The following ZDHHC17 variants were observed in gnomAD, a reference collection of about 807,000 sequenced individuals.
ZDHHC17 encodes the protein palmitoyltransferase ZDHHC17.
In ZDHHC17, 40 loss-of-function variants were observed where a neutral mutation model predicts 90.3. The ratio of observed to expected loss-of-function variants is 0.44; its 90% CI spans 0.34 to 0.58. The LOEUF (loss-of-function observed/expected upper bound fraction) is 0.58, where lower values mean the gene tolerates loss of function less well. Ranked by LOEUF, ZDHHC17 falls within the 20% of genes least tolerant of loss-of-function variation. The pLI, the probability that ZDHHC17 is intolerant of heterozygous loss-of-function variation, is 0.01. For missense variants in ZDHHC17, 614 were observed against 780.8 expected (o/e 0.79, Z 2.55); for synonymous variants, 235 against 252.4 (o/e 0.93, Z 0.65).
At chr12:76,817,412 T>C (rs1320515257) in intron 7 of ZDHHC17, among the ~76,000 whole-genome samples, 1 of 152,118 alleles carries the variant, frequency 6.6e-6, no homozygotes, top group African/African-American at 2.4e-5. Flanking sequence ...CATTTAAAGA[T>C]ACTTAGTATT....
At chr12:76,836,146 CT>C (rs1018234333) in intron 10 of ZDHHC17, among the ~76,000 whole-genome samples, 1 of 151,440 alleles carries the variant, frequency 6.6e-6, no homozygotes, top group Non-Finnish European at 1.5e-5. Context: ...TTTGTATTGT[CT>C]TTGTTATGTT....
intron 11 of ZDHHC17, 87 bp downstream of exon 11, chr12:76,842,193 A>G (rs956769102): frequency 2.2e-5 from 29 of 1,300,852 alleles, no homozygotes; most frequent in Admixed American, 3.3e-5. Flanking sequence ...GGAATTAACT[A>G]TCGTTTAGAA....
chr12:76,803,150 G>A (rs1383349694), intron 2 of ZDHHC17, among the ~76,000 whole-genome samples: 4 of 152,118 alleles, frequency 2.6e-5, no homozygotes, highest in Non-Finnish European at 5.9e-5. Context: ...CTACTAGGGA[G>A]GCTGAGGTGG....
intron 2 of ZDHHC17, among the ~76,000 whole-genome samples, chr12:76,799,832 C>T (rs1490678055): frequency 1.3e-5 from 2 of 152,068 alleles, no homozygotes; most frequent in Admixed American, 6.6e-5. Context: ...ATTCAAAATG[C>T]CTGGGACCAG....
At chr12:76,821,609 TGAA>T (rs1344894221) in intron 7 of ZDHHC17, among the ~76,000 whole-genome samples, 3 of 152,138 alleles carry the variant, frequency 2.0e-5, no homozygotes, top group African/African-American at 7.2e-5. Flanking sequence ...CTTTTCTATT[TGAA>T]GAAGTAGATA....
At chr12:76,817,153 G>T (rs186161636) in intron 7 of ZDHHC17, among the ~76,000 whole-genome samples, 1 of 152,160 alleles carries the variant, frequency 6.6e-6, no homozygotes, top group East Asian at 1.9e-4. Flanking sequence ...ATTATAGAGA[G>T]AAATGTTTGC....
chr12:76,837,106 A>G (rs1953374760), intron 10 of ZDHHC17, among the ~76,000 whole-genome samples: 2 of 152,080 alleles, frequency 1.3e-5, no homozygotes, highest in African/African-American at 4.8e-5. Flanking sequence ...TTTTCTTACT[A>G]ACAGCTCAGC....
At chr12:76,827,628 C>A (rs1953245137) in intron 9 of ZDHHC17, among the ~76,000 whole-genome samples, 1 of 152,022 alleles carries the variant, frequency 6.6e-6, no homozygotes, top group South Asian at 2.1e-4. Context: ...TCCAGAATTT[C>A]CCATCTAATT....
At position 76,822,856 on chromosome 12, in the gene ZDHHC17, C is replaced by T. The variant is rs191196384; in HGVS notation, c.897+325C>T. ...CTGGGAATACAGGCATGAGCCACCG[C>T]GCCCAGCTGAAGATTTTCGATATAT... is the stretch of plus-strand genomic sequence containing the variant. On this transcript the variant is annotated intron_variant, in intron 8 of 16. Coordinates refer to ENST00000426126, the MANE Select transcript of ZDHHC17 (RefSeq NM_015336.4). Among the ~76,000 whole-genome samples the T allele has an allele frequency of 5.9e-3, 895 of 152,046 alleles. 10 individuals carry two copies. Among genetic ancestry groups the T allele is most frequent in the African/African-American group, 0.021 (868 of 41,456 alleles).
intron 5 of ZDHHC17, among the ~76,000 whole-genome samples, chr12:76,811,420 C>T (rs981749799): frequency 2.6e-5 from 4 of 152,152 alleles, no homozygotes; most frequent in African/African-American, 9.6e-5. Context: ...AGGTGGTGTA[C>T]ATTTTTGAGT....
In ZDHHC17 at chr12:76,809,727, C is replaced by A; in HGVS notation, c.413C>A (p.Ser138Tyr). 6.4e-7 allele frequency: 1 copy of A among 1,559,442 alleles called. No homozygotes were observed. ...TTATGTTTTAGACAAGGCCATCTAT[C>A]CATGGTTGTGCAACTAATGAAATAT... Reference protein sequence around the residue: ...LHWATRQGHLSMVVQLMKYGA... With the variant: ...LHWATRQGHLYMVVQLMKYGA... The change falls in exon 5 of 17, where the codon TCC becomes TAC. Residue 138 changes from serine to tyrosine, a missense_variant. Transcript: ENST00000426126.
At position 76,845,720 on chromosome 12, in the gene ZDHHC17, G is replaced by C. The variant is rs369054073; in HGVS notation, c.1341G>C (p.Pro447=). 1 of 1,601,680 alleles carries C rather than the reference G, an allele frequency of 6.2e-7. No homozygotes were observed. The highest frequency in any genetic ancestry group is 1.1e-5 in the South Asian group (1 of 89,796). The change falls in exon 13 of 17, where the codon CCG becomes CCC. Residue 447 remains proline (P), a synonymous_variant. Coordinates refer to ENST00000426126, the MANE Select transcript of ZDHHC17 (RefSeq NM_015336.4). ...IFCSTCLIRK[P]VRSKHCGVCN... ...ATGCCTATTAACAGATACGAAAACC[G>C]GTGAGGTCCAAACATTGTGGTGTGT...
chr12:76,821,849 G>C (rs1953165663), intron 7 of ZDHHC17, among the ~76,000 whole-genome samples: 1 of 151,966 alleles, frequency 6.6e-6, no homozygotes, highest in South Asian at 2.1e-4. Context: ...ACTTGAATTT[G>C]CTATTTTTTA....
At chr12:76,838,964 G>A (rs1953400814) in intron 10 of ZDHHC17, among the ~76,000 whole-genome samples, 1 of 152,136 alleles carries the variant, frequency 6.6e-6, no homozygotes, top group Non-Finnish European at 1.5e-5. Flanking sequence ...TTGAGATCAG[G>A]GTGCCAGCAA....
rs765574133 is a variant in ZDHHC17, at chr12:76,852,874, T to A, written c.*1889T>A. 8.5e-5 allele frequency: 13 copies of A among 152,612 alleles called. No individual in the cohort carries two copies. The highest frequency in any genetic ancestry group is 1.9e-4 in the Non-Finnish European group (13 of 68,024). 9.5% of individuals were successfully genotyped at this position (152,612 alleles called of 1,614,324 possible). ...GGTTAACTTTACAAATGTCAGCTAG[T>A]TTTGACTACTAATTGGGGGAAATTT... On this transcript the variant is annotated 3_prime_UTR_variant, in exon 17 of 17. Transcript: ENST00000426126.
chr12:76,827,841 C>T (rs1355595206), intron 9 of ZDHHC17, among the ~76,000 whole-genome samples: 1 of 152,024 alleles, frequency 6.6e-6, no homozygotes, highest in Admixed American at 6.5e-5. Flanking sequence ...ATAGTTGATT[C>T]TGTTCATGTT....
At position 76,845,561 on chromosome 12, in the gene ZDHHC17, T is replaced by C. The variant is rs1025112336; in HGVS notation, c.1330-148T>C. 3.3e-5 allele frequency: 12 copies of C among 362,826 alleles called. No homozygotes were observed. The East Asian group carries it at 4.2e-4, about 13-fold the overall frequency. 22.5% of individuals were successfully genotyped at this position (362,826 alleles called of 1,614,324 possible). A position where few individuals can be genotyped will look rare whatever the true frequency, so the allele number is the denominator to read the frequency against. The stretch of plus-strand genomic sequence containing the variant: ...AAATTTTATTAAACAATAGTGACTT[T>C]TGGTTTCATTCATTTGGAAACCTTG... On this transcript the variant is annotated intron_variant, in intron 12 of 16. Transcript: ENST00000426126.
chr12:76,774,990 T>G (rs1030661640), intron 1 of ZDHHC17, among the ~76,000 whole-genome samples: 1 of 152,134 alleles, frequency 6.6e-6, no homozygotes, highest in East Asian at 1.9e-4. Flanking sequence ...CATGCCTGAT[T>G]AATTTTTTTT....
chr12:76,849,634 C>T (rs1200165465), intron 16 of ZDHHC17, 164 bp downstream of exon 16: 2 of 499,784 alleles, frequency 4.0e-6, no homozygotes, highest in Non-Finnish European at 7.0e-6. Context: ...GAATTCATCA[C>T]ATTAACTGTA....
Sources: allele counts gnomAD v4.1 joint callset (sites outside exome capture counted in the v4.1 genomes callset), GRCh38; gene constraint gnomAD v4.1.1; transcripts MANE v1.5; gene names NCBI Gene and HGNC (gene_info 2026-07-23, HGNC 2026-07-21).